The following DLG2 variants were observed in gnomAD, a reference collection of about 807,000 sequenced individuals.
The protein encoded by DLG2 is disks large homolog 2.
Under a neutral mutation model 132.5 loss-of-function variants are expected in DLG2, and 45 were observed. The ratio of observed to expected loss-of-function variants is 0.34; its 90% CI spans 0.27 to 0.44. The LOEUF (loss-of-function observed/expected upper bound fraction) is 0.44, where lower values mean the gene tolerates loss of function less well. Among genes scored for constraint, DLG2 ranks in the 20% least tolerant of loss-of-function variants. The probability of loss-of-function intolerance (pLI) is 1.00; values close to 1 mark genes in which losing one functional copy is unlikely to be tolerated. For synonymous variants in DLG2, 424 were observed against 419.6 expected (o/e 1.01, Z -0.13); for missense variants, 1,045 against 1,196.9 (o/e 0.87, Z 1.87).
chr11:85,162,881 G>T, intron 4 of DLG2, among the ~76,000 whole-genome samples: 1 of 152,080 alleles, frequency 6.6e-6, no homozygotes, highest in Non-Finnish European at 1.5e-5. Context: ...ATTGATCCTG[G>T]GTGTGTCTGT....
At chr11:85,212,793 T>C (rs1341767143) in intron 4 of DLG2, among the ~76,000 whole-genome samples, 1 of 152,166 alleles carries the variant, frequency 6.6e-6, no homozygotes, top group Non-Finnish European at 1.5e-5. Flanking sequence ...CATATCTCAA[T>C]GTTCTTTCTA....
intron 7 of DLG2, among the ~76,000 whole-genome samples, chr11:84,429,445 T>G (rs2098977362): frequency 6.6e-6 from 1 of 152,136 alleles, no homozygotes. Flanking sequence ...TCTAATCTGG[T>G]CTTAATTCCT....
chr11:85,285,266 G>A lies in DLG2; in HGVS notation c.140C>T (p.Thr47Ile). 2 of 1,611,942 alleles carry A rather than the reference G, an allele frequency of 1.2e-6. No homozygotes were observed. Among genetic ancestry groups the A allele is most frequent in the Non-Finnish European group, 1.7e-6 (2 of 1,178,590 alleles). ...GTCATGGCACGGAGCAAGAAGGGAT[G>A]TCTTCTCCCATTTCTGTAAAACTTG... is the stretch of plus-strand genomic sequence containing the variant. ...ANQVLQKWEKTSLLAPCHDRL... is the reference protein window; with the variant it reads ...ANQVLQKWEKISLLAPCHDRL... Residue 47 changes from threonine to isoleucine, a missense_variant, in exon 4 of 28, where the codon ACA (threonine) becomes ATA (isoleucine). Coordinates refer to ENST00000376104, the MANE Select transcript of DLG2 (RefSeq NM_001142699.3).
intron 6 of DLG2, among the ~76,000 whole-genome samples, chr11:84,993,870 C>T (rs766484606): frequency 2.0e-5 from 3 of 151,932 alleles, no homozygotes; most frequent in Non-Finnish European, 2.9e-5. Context: ...TACGTTTATT[C>T]ATCCATCTCC....
At chr11:84,400,048 T>C (rs2098824333) in intron 7 of DLG2, among the ~76,000 whole-genome samples, 1 of 152,214 alleles carries the variant, frequency 6.6e-6, no homozygotes, top group South Asian at 2.1e-4. Context: ...TTCTGCTGTG[T>C]TTACCTACTG....
At position 84,346,833 on chromosome 11, in the gene DLG2, C is replaced by T. The variant is rs2098541402; in HGVS notation, c.520-95542G>A. Among the ~76,000 whole-genome samples the T allele has an allele frequency of 4.6e-5, 7 of 152,126 alleles. No homozygotes were observed. In the South Asian group the frequency reaches 1.5e-3, roughly 32 times the overall value. ...CCTCGTGATCCACTGTCCTTGGCCT[C>T]CCAAGAGACTGCAGTTTTCATTTTG... On this transcript the variant is annotated intron_variant, in intron 7 of 27. Coordinates refer to ENST00000376104, the MANE Select transcript of DLG2 (RefSeq NM_001142699.3).
At chr11:85,334,696 T>G (rs1388954119) in intron 3 of DLG2, among the ~76,000 whole-genome samples, 1 of 152,184 alleles carries the variant, frequency 6.6e-6, no homozygotes, top group Non-Finnish European at 1.5e-5. Flanking sequence ...ATAACAATTC[T>G]GGAGCAGATT....
At chr11:84,536,736 T>C (rs893751663) in intron 6 of DLG2, among the ~76,000 whole-genome samples, 6 of 152,204 alleles carry the variant, frequency 3.9e-5, no homozygotes, top group Admixed American at 1.3e-4. Flanking sequence ...TCAGACTCCA[T>C]CCTGTCTTTT....
chr11:85,105,287 C>G (rs746260874), intron 6 of DLG2, among the ~76,000 whole-genome samples: 5 of 151,906 alleles, frequency 3.3e-5, no homozygotes, highest in Admixed American at 6.6e-5. Flanking sequence ...TTTCAAAGAT[C>G]AGTGTAACAA....
At chr11:84,122,875 A>T (rs909959449) in intron 9 of DLG2, among the ~76,000 whole-genome samples, 5 of 152,108 alleles carry the variant, frequency 3.3e-5, no homozygotes, top group Non-Finnish European at 7.4e-5. Context: ...TGAAGAGGAG[A>T]AAACAATTTA....
At chr11:85,399,071 C>A (rs992548538) in intron 3 of DLG2, among the ~76,000 whole-genome samples, 2 of 152,242 alleles carry the variant, frequency 1.3e-5, no homozygotes, top group African/African-American at 2.4e-5. Context: ...TGATAAGCAA[C>A]TTCAGCAAAG....
At position 83,844,782 on chromosome 11, in the gene DLG2, T is replaced by C. The variant is rs193200911; in HGVS notation, c.1566-11012A>G. On this transcript the variant is annotated intron_variant, in intron 16 of 27. Transcript: ENST00000376104. ...GGCTAACATAAATGTGCTGTCCTGGTGGTAGGGGTAACGTATGAGATGGGC... is the reference window on the plus strand; with the variant it reads ...GGCTAACATAAATGTGCTGTCCTGGCGGTAGGGGTAACGTATGAGATGGGC... Among the ~76,000 whole-genome samples the C allele has an allele frequency of 2.0e-5, 3 of 152,098 alleles. 1 individual carries two copies. Among genetic ancestry groups the C allele is most frequent in the Admixed American group, 2.0e-4 (3 of 15,258 alleles).
At position 83,525,567 on chromosome 11, in the gene DLG2, G is replaced by C. The variant is rs546184328; in HGVS notation, c.2193+7141C>G. ...CAGTGAGGAAGGTGTTAGAAGGCTT[G>C]GAATAAGAAAAGTAATAACAAAGAC... On this transcript the variant is annotated intron_variant, in intron 21 of 27. Transcript: ENST00000376104. Among the ~76,000 whole-genome samples, 6 of 152,264 alleles carry C rather than the reference G, an allele frequency of 3.9e-5. No homozygotes were observed. The South Asian group carries it at 8.3e-4, about 21-fold the overall frequency.
At chr11:83,472,660 C>T (rs765895681) in intron 23 of DLG2, 67 bp downstream of exon 23, 161 of 1,404,316 alleles carry the variant, frequency 1.1e-4, no homozygotes, top group Non-Finnish European at 1.5e-4. Context: ...TTCACTCTTT[C>T]CCTCCTTCAA....
chr11:83,582,348 T>C (rs148785578), intron 19 of DLG2, among the ~76,000 whole-genome samples: 133 of 152,312 alleles, frequency 8.7e-4, no homozygotes, highest in African/African-American at 3.2e-3. Context: ...GTTACTGGAA[T>C]ATTACAGTCA....
intron 5 of DLG2, among the ~76,000 whole-genome samples, chr11:85,143,059 A>G (rs2076601915): frequency 6.6e-6 from 1 of 151,724 alleles, no homozygotes; most frequent in African/African-American, 2.4e-5. Flanking sequence ...TGGTAATACT[A>G]GCCTCATGAA....
chr11:84,650,628 C>A (rs1218992478), intron 6 of DLG2, among the ~76,000 whole-genome samples: 1 of 151,948 alleles, frequency 6.6e-6, no homozygotes, highest in Non-Finnish European at 1.5e-5. Context: ...AGTAGCAGAT[C>A]TTGACTTTGA....
intron 17 of DLG2, among the ~76,000 whole-genome samples, chr11:83,821,403 A>C (rs2050752797): frequency 6.6e-6 from 1 of 152,122 alleles, no homozygotes; most frequent in Non-Finnish European, 1.5e-5. Context: ...CTTGGAATTA[A>C]GAAACTTATT....
Position 84,714,549 on chromosome 11 carries a change from T to TC in DLG2, c.358-179819_358-179818insG, listed in dbSNP as rs1555181553. On this transcript the variant is annotated intron_variant, in intron 6 of 27. Transcript: ENST00000376104. ...TTCCTCTTTCTCTTTCTCTTTCTCTTTCTCTCTCTTTCTCTTTCTCTTTCT... is the reference window on the plus strand; with the variant it reads ...TTCCTCTTTCTCTTTCTCTTTCTCTTCTCTCTCTCTTTCTCTTTCTCTTTCT... Among the ~76,000 whole-genome samples, 290 of 59,112 alleles carry TC rather than the reference T, an allele frequency of 4.9e-3. 3 individuals are homozygous for TC. The highest frequency in any genetic ancestry group is 0.014 in the African/African-American group (117 of 8,126). 38.8% of individuals were successfully genotyped at this position (59,112 alleles called of 152,430 possible).
Sources: gnomAD v4.1 joint callset for allele counts (sites outside exome capture counted in the v4.1 genomes callset) on GRCh38, gnomAD v4.1.1 for gene constraint, MANE v1.5 for transcripts, NCBI Gene and HGNC (gene_info 2026-07-23, HGNC 2026-07-21) for gene names.